The following WWOX variants were observed in gnomAD, a reference collection of about 807,000 sequenced individuals.
The protein encoded by WWOX is WW domain containing oxidoreductase.
Under a neutral mutation model 46.2 loss-of-function variants are expected in WWOX, and 69 were observed. The ratio of observed to expected loss-of-function variants is 1.49; its 90% confidence interval spans 1.23 to 1.82. The LOEUF is 1.82. Ranked by LOEUF, WWOX falls within the 40% of genes most tolerant of loss-of-function variation. WWOX has a pLI of 0.00. For synonymous variants in WWOX, 359 were observed against 202.6 expected (o/e 1.77, Z -6.56); for missense variants, 919 against 542.6 (o/e 1.69, Z -6.89).
Position 78,901,375 on chromosome 16 carries a change from AT to A in WWOX, c.1057-310229del, listed in dbSNP as rs1317794769. Among the ~76,000 whole-genome samples, 5 of 152,294 alleles carry A rather than the reference AT, an allele frequency of 3.3e-5. No individual in the cohort carries two copies. In the East Asian group the frequency reaches 9.6e-4, roughly 29 times the overall value. On this transcript the variant is annotated intron_variant, in intron 8 of 8. Coordinates refer to ENST00000566780, the MANE Select transcript of WWOX (RefSeq NM_016373.4). ...TTTTCACGGAAATATTTCGGATGGAATTTTGGCTTTAATTCTTTCTCTTTTT... is the reference window on the plus strand; with the variant it reads ...TTTTCACGGAAATATTTCGGATGGAATTTGGCTTTAATTCTTTCTCTTTTT...
intron 5 of WWOX, among the ~76,000 whole-genome samples, chr16:78,184,363 G>A (rs1402692211): frequency 6.6e-6 from 1 of 152,104 alleles, no homozygotes; most frequent in African/African-American, 2.4e-5. Context: ...TGATGCCAGA[G>A]AAAATGACCT....
At chr16:78,616,315 G>A (rs192358104) in intron 8 of WWOX, among the ~76,000 whole-genome samples, 63 of 152,128 alleles carry the variant, frequency 4.1e-4, no homozygotes, top group African/African-American at 1.4e-3. Context: ...TATAAACAAC[G>A]GAAATGTATT....
intron 5 of WWOX, among the ~76,000 whole-genome samples, chr16:78,197,871 A>G (rs1011887157): frequency 4.6e-5 from 7 of 152,066 alleles, no homozygotes; most frequent in Non-Finnish European, 8.8e-5. Context: ...GAGCCCCCAT[A>G]TGTTTTAACT....
At chr16:78,841,728 G>T (rs375823082) in intron 8 of WWOX, among the ~76,000 whole-genome samples, 2 of 152,224 alleles carry the variant, frequency 1.3e-5, no homozygotes, top group African/African-American at 4.8e-5. Flanking sequence ...TCCTGTCCGA[G>T]AAGTTACCTT....
chr16:78,176,508 C>G (rs1211599928), intron 5 of WWOX, among the ~76,000 whole-genome samples: 1 of 152,194 alleles, frequency 6.6e-6, no homozygotes, highest in African/African-American at 2.4e-5. Flanking sequence ...ATTGTTCCGA[C>G]TACAATGCGT....
chr16:78,529,390 T>C (rs768702656), intron 8 of WWOX, among the ~76,000 whole-genome samples: 2 of 152,136 alleles, frequency 1.3e-5, no homozygotes, highest in Non-Finnish European at 2.9e-5. Flanking sequence ...GGGTATGTTT[T>C]GTTCTATTTT....
chr16:78,713,827 C>T (rs1056731530), intron 8 of WWOX, among the ~76,000 whole-genome samples: 3 of 152,092 alleles, frequency 2.0e-5, no homozygotes, highest in African/African-American at 7.2e-5. Context: ...GTAGATAATA[C>T]AGTCCCATTC....
intron 8 of WWOX, among the ~76,000 whole-genome samples, chr16:79,108,472 G>A (rs1022597917): frequency 6.6e-6 from 1 of 152,224 alleles, no homozygotes; most frequent in Non-Finnish European, 1.5e-5. Context: ...CAAGGTGCAG[G>A]TATGTTTGCA....
intron 8 of WWOX, among the ~76,000 whole-genome samples, chr16:78,717,145 T>C (rs749355141): frequency 6.6e-6 from 1 of 152,208 alleles, no homozygotes; most frequent in Non-Finnish European, 1.5e-5. Flanking sequence ...AGGTGCTCTG[T>C]GTAAATCTAG....
intron 5 of WWOX, among the ~76,000 whole-genome samples, chr16:78,190,964 C>G (rs145440492): frequency 1.4e-4 from 22 of 152,222 alleles, no homozygotes; most frequent in African/African-American, 4.6e-4. Context: ...TCTCAAGGAC[C>G]TTTACTTGAG....
intron 5 of WWOX, among the ~76,000 whole-genome samples, chr16:78,368,105 T>G (rs12917864): frequency 0.51 from 76,958 of 152,016 alleles, 21,201 homozygotes; most frequent in Non-Finnish European, 0.63. Flanking sequence ...CTGCTTTTTC[T>G]GCCTTTGTTG....
intron 8 of WWOX, among the ~76,000 whole-genome samples, chr16:78,509,857 G>T (rs563433932): frequency 1.3e-5 from 2 of 151,790 alleles, no homozygotes; most frequent in Non-Finnish European, 2.9e-5. Flanking sequence ...GGAGGCCGAG[G>T]CAGGAGGATC....
intron 8 of WWOX, among the ~76,000 whole-genome samples, chr16:79,180,419 G>C (rs1341530350): frequency 6.6e-6 from 1 of 152,118 alleles, no homozygotes; most frequent in Non-Finnish European, 1.5e-5. Flanking sequence ...AATTCCAGAG[G>C]GTTTCACCCA....
chr16:78,826,222 TG>T (rs2051653094), intron 8 of WWOX, among the ~76,000 whole-genome samples: 1 of 152,166 alleles, frequency 6.6e-6, no homozygotes, highest in South Asian at 2.1e-4. Flanking sequence ...TGGCGTGCCC[TG>T]TAATCACAGC....
chr16:78,261,599 C>A (rs1042573578), intron 5 of WWOX, among the ~76,000 whole-genome samples: 7 of 149,388 alleles, frequency 4.7e-5, no homozygotes, highest in Non-Finnish European at 8.9e-5. Context: ...TCCTTTTAAC[C>A]TTAGGAAAAA....
intron 8 of WWOX, among the ~76,000 whole-genome samples, chr16:79,052,374 C>CT (rs952882012): frequency 6.6e-6 from 1 of 152,144 alleles, no homozygotes; most frequent in Admixed American, 6.5e-5. Flanking sequence ...TGAACTCATC[C>CT]TTTTTTATGG....
chr16:78,411,223 C>T (rs2082673318), intron 6 of WWOX, among the ~76,000 whole-genome samples: 1 of 152,142 alleles, frequency 6.6e-6, no homozygotes, highest in Non-Finnish European at 1.5e-5. Context: ...CATTGGGAGT[C>T]ATTTGGACCC....
intron 8 of WWOX, among the ~76,000 whole-genome samples, chr16:78,885,090 C>G (rs912270495): frequency 1.3e-5 from 2 of 152,078 alleles, no homozygotes; most frequent in African/African-American, 4.8e-5. Flanking sequence ...GTGTCACTGG[C>G]AACTTCTGAA....
chr16:78,726,908 C>T (rs750403590), intron 8 of WWOX, among the ~76,000 whole-genome samples: 70 of 152,104 alleles, frequency 4.6e-4, no homozygotes, highest in Non-Finnish European at 7.1e-4. Context: ...GTATCATTTC[C>T]GTGGGTGGCT....
Sources: gnomAD v4.1 joint callset for allele counts (sites outside exome capture counted in the v4.1 genomes callset) on GRCh38, gnomAD v4.1.1 for gene constraint, MANE v1.5 for transcripts, NCBI Gene and HGNC (gene_info 2026-07-23, HGNC 2026-07-21) for gene names.